Variants in SRGAP3 observed in about 807,000 individuals in gnomAD.
The protein encoded by SRGAP3 is SLIT-ROBO Rho GTPase-activating protein 3.
Under a neutral mutation model 121.1 loss-of-function variants are expected in SRGAP3, and 39 were observed. The ratio of observed to expected loss-of-function variants is 0.32; its 90% CI spans 0.25 to 0.42. SRGAP3 has a LOEUF of 0.42. Ranked by LOEUF, SRGAP3 falls within the 10% of genes least tolerant of loss-of-function variation. SRGAP3 has a pLI of 1.00. For synonymous variants in SRGAP3, 601 were observed against 570.0 expected (o/e 1.05, Z -0.77); for missense variants, 1,213 against 1,470.6 (o/e 0.82, Z 2.86).
intron 3 of SRGAP3, among the ~76,000 whole-genome samples, chr3:9,104,016 A>T (rs1278553118): frequency 6.6e-6 from 1 of 152,264 alleles, no homozygotes; most frequent in Non-Finnish European, 1.5e-5. Context: ...AGCTCACGGC[A>T]GTGTTATTTA....
At chr3:9,006,410 A>AAGAAAAG (rs1553637246) in intron 18 of SRGAP3, among the ~76,000 whole-genome samples, 11 of 151,468 alleles carry the variant, frequency 7.3e-5, no homozygotes, top group African/African-American at 2.7e-4. Context: ...AAAAAAAAAA[A>AAGAAAAG]AAAAGAAAAG....
intron 3 of SRGAP3, among the ~76,000 whole-genome samples, chr3:9,083,518 A>G (rs561565684): frequency 6.6e-6 from 1 of 152,374 alleles, no homozygotes; most frequent in Non-Finnish European, 1.5e-5. Context: ...ACTTAACGAT[A>G]TCTCTGAGAA....
At chr3:9,344,038 G>A (rs1482108447) in intron 1 of SRGAP3, among the ~76,000 whole-genome samples, 1 of 152,202 alleles carries the variant, frequency 6.6e-6, no homozygotes, top group Non-Finnish European at 1.5e-5. Context: ...AATGAAAATA[G>A]CGTGGGCACG....
chr3:9,143,474 A>G (rs191522571), intron 1 of SRGAP3, among the ~76,000 whole-genome samples: 1 of 152,348 alleles, frequency 6.6e-6, no homozygotes, highest in East Asian at 1.9e-4. Flanking sequence ...TTGGCTTATC[A>G]GGGAAACAAA....
At chr3:9,253,489 A>T (rs1450664585), upstream of SRGAP3, among the ~76,000 whole-genome samples, 7 of 152,204 alleles carry the variant, frequency 4.6e-5, no homozygotes, top group Non-Finnish European at 1.0e-4. Context: ...TGGTAGAAAG[A>T]AAAAAGGCTT....
At position 9,249,281 on chromosome 3, in the gene SRGAP3, TCACA is replaced by T; in HGVS notation, c.-334_-331del. 2.2e-6 allele frequency: 1 copy of T among 459,806 alleles called. No homozygotes were observed. The highest frequency in any genetic ancestry group is 2.1e-5 in the South Asian group (1 of 46,840). The allele number at this position is 459,806 out of a possible 1,614,324, so 28.5% of individuals were successfully genotyped here. ...TAATAATAGTAATAACCAAGCGCACTCACACACACATGCACACGTACACACACTC... is the reference window on the plus strand; with the variant it reads ...TAATAATAGTAATAACCAAGCGCACTCACACATGCACACGTACACACACTC... On this transcript the variant is annotated 5_prime_UTR_variant, in exon 1 of 22. It introduces an in-frame stop codon into an upstream open reading frame of the 5' UTR. Transcript: ENST00000383836.
At chr3:9,229,420 G>A (rs1342078928) in intron 1 of SRGAP3, among the ~76,000 whole-genome samples, 1 of 152,150 alleles carries the variant, frequency 6.6e-6, no homozygotes, top group Non-Finnish European at 1.5e-5. Flanking sequence ...CTCTACCCTG[G>A]AGCAATAGAG....
chr3:9,119,464 T>C (rs1948925000), intron 2 of SRGAP3, among the ~76,000 whole-genome samples: 1 of 152,224 alleles, frequency 6.6e-6, no homozygotes, highest in Admixed American at 6.5e-5. Context: ...CCCCCTCCAC[T>C]GCTGCACGTT....
intron 3 of SRGAP3, among the ~76,000 whole-genome samples, chr3:9,266,912 T>TTCCTCC (rs199840368): frequency 1.3e-5 from 2 of 151,788 alleles, no homozygotes; most frequent in African/African-American, 4.8e-5. Flanking sequence ...GCTTTGTCTA[T>TTCCTCC]TCCTCCTCCT....
intron 1 of SRGAP3, chr3:9,216,539 A>G (rs1390896517): frequency 6.6e-6 from 1 of 152,650 alleles, no homozygotes. Context: ...CAGATACCCT[A>G]AGAAATGCTA....
chr3:9,351,149 A>G (rs2030120268), intron 1 of SRGAP3, among the ~76,000 whole-genome samples: 1 of 152,196 alleles, frequency 6.6e-6, no homozygotes, highest in Non-Finnish European at 1.5e-5. Flanking sequence ...TTAGCCAGTG[A>G]CACATCTGCC....
chr3:9,015,504 C>T, intron 15 of SRGAP3, 93 bp downstream of exon 15: 3 of 1,531,086 alleles, frequency 2.0e-6, no homozygotes, highest in African/African-American at 1.4e-5. Context: ...TTCATAATGT[C>T]CCTCCTCTAT....
Position 9,345,355 on chromosome 3 carries a change from G to A in SRGAP3, n.215-14759C>T, listed in dbSNP as rs558136693. Reference sequence around the variant, plus strand: ...AAAATAAAAATAAACAGCCAGGGGTGGTAGTCCCAGCTACTCTGGAGGCTG... The same window carrying A: ...AAAATAAAAATAAACAGCCAGGGGTAGTAGTCCCAGCTACTCTGGAGGCTG... On this transcript the variant is annotated intron_variant and non_coding_transcript_variant, in intron 1 of 3. Coordinates refer to the SRGAP3 transcript ENST00000490889. Among the ~76,000 whole-genome samples, 9 of 151,350 alleles carry A rather than the reference G, an allele frequency of 5.9e-5. No individual in the cohort carries two copies. The South Asian group carries it at 1.9e-3, about 32-fold the overall frequency.
intron 2 of SRGAP3, among the ~76,000 whole-genome samples, chr3:9,329,704 A>G (rs1243945644): frequency 6.6e-6 from 1 of 152,214 alleles, no homozygotes; most frequent in African/African-American, 2.4e-5. Context: ...AACACTGAAA[A>G]GTTCAGGTGG....
At chr3:9,013,960 T>C in intron 15 of SRGAP3, 118 bp from the exon 16 acceptor site, 1 of 891,604 alleles carries the variant, frequency 1.1e-6, no homozygotes, top group Non-Finnish European at 1.8e-6. Context: ...GCTCTACTCT[T>C]GATTCCAGGG....
chr3:9,006,421 A>G (rs896398635), intron 18 of SRGAP3, among the ~76,000 whole-genome samples: 2 of 151,368 alleles, frequency 1.3e-5, no homozygotes, highest in African/African-American at 4.9e-5. Context: ...AAAAGAAAAG[A>G]AAAGGAGTGG....
intron 1 of SRGAP3, among the ~76,000 whole-genome samples, chr3:9,209,124 C>G (rs1952357881): frequency 6.6e-6 from 1 of 152,204 alleles, no homozygotes; most frequent in Admixed American, 6.5e-5. Flanking sequence ...CAATATTTTA[C>G]CTTCCTCACC....
At chr3:9,300,491 G>A (rs888013926) in intron 3 of SRGAP3, among the ~76,000 whole-genome samples, 1 of 151,934 alleles carries the variant, frequency 6.6e-6, no homozygotes, top group Non-Finnish European at 1.5e-5. Flanking sequence ...TCTGTGGAGA[G>A]GCTTCCCATC....
intron 1 of SRGAP3, among the ~76,000 whole-genome samples, chr3:9,130,249 T>C (rs1372918014): frequency 6.6e-6 from 1 of 152,076 alleles, no homozygotes; most frequent in Non-Finnish European, 1.5e-5. Flanking sequence ...TCAACGTGGA[T>C]GTATAATAAT....
Sources: allele counts gnomAD v4.1 joint callset (sites outside exome capture counted in the v4.1 genomes callset), GRCh38; gene constraint gnomAD v4.1.1; transcripts MANE v1.5; gene names NCBI Gene and HGNC (gene_info 2026-07-23, HGNC 2026-07-21).